LINGO2: variants seen among roughly 807,000 people sequenced by gnomAD.
The protein encoded by LINGO2 is leucine-rich repeat and immunoglobulin-like domain-containing nogo receptor-interacting protein 2.
In LINGO2, 14 loss-of-function variants were observed where a neutral mutation model predicts 30.6. The ratio of observed to expected loss-of-function variants is 0.46; its 90% CI spans 0.30 to 0.72. The LOEUF is 0.72. Ranked by LOEUF, LINGO2 falls within the 30% of genes least tolerant of loss-of-function variation. The pLI, the probability that LINGO2 is intolerant of heterozygous loss-of-function variation, is 0.07. For missense variants in LINGO2, 729 were observed against 751.7 expected, an observed-to-expected ratio of 0.97 and a Z score of 0.35; for synonymous variants, 317 against 288.5, an observed-to-expected ratio of 1.10 and a Z score of -1.00.
chr9:28,473,700 A>G (rs899216076), intron 2 of LINGO2, among the ~76,000 whole-genome samples: 1 of 152,098 alleles, frequency 6.6e-6, no homozygotes. Flanking sequence ...GTCATGGGGA[A>G]GAAACACAGG....
At chr9:28,023,624 T>C (rs1325550421) in intron 4 of LINGO2, among the ~76,000 whole-genome samples, 1 of 152,220 alleles carries the variant, frequency 6.6e-6, no homozygotes, top group Non-Finnish European at 1.5e-5. Flanking sequence ...AGCTAGAGGA[T>C]GCTGAAGTCA....
At chr9:28,883,561 T>C in the LINGO2 span, among the ~76,000 whole-genome samples, 1 of 147,810 alleles carries the variant, frequency 6.8e-6, no homozygotes, top group East Asian at 2.0e-4. Flanking sequence ...TCACAGCAAC[T>C]GACATTTCCC....
the LINGO2 span, among the ~76,000 whole-genome samples, chr9:29,001,432 T>C: frequency 6.6e-6 from 1 of 151,972 alleles, no homozygotes; most frequent in Admixed American, 6.6e-5. Flanking sequence ...AAAAGAAGTG[T>C]ACCACACTGC....
Position 28,045,928 on chromosome 9 carries a change from A to G in LINGO2, c.-86-33523T>C, listed in dbSNP as rs1371330271. 2.0e-5 allele frequency among the ~76,000 whole-genome samples: 3 copies of G among 152,296 alleles called. No individual in the cohort carries two copies. In the East Asian group the frequency reaches 5.8e-4, roughly 29 times the overall value. ...TTCAATTCAGTTTGATGATGATGAA[A>G]AGCAAAGAGTTAAACTATGATAACT... On this transcript the variant is annotated intron_variant, in intron 4 of 5. Coordinates refer to ENST00000379992, the Ensembl canonical transcript of LINGO2.
intron 2 of LINGO2, among the ~76,000 whole-genome samples, chr9:28,408,963 A>G (rs1822634254): frequency 6.6e-6 from 1 of 152,008 alleles, no homozygotes; most frequent in Non-Finnish European, 1.5e-5. Flanking sequence ...ACATTATTAG[A>G]AATAAATTTC....
At chr9:28,057,551 A>ACAC (rs1824984467) in intron 4 of LINGO2, among the ~76,000 whole-genome samples, 1 of 148,670 alleles carries the variant, frequency 6.7e-6, no homozygotes, top group Non-Finnish European at 1.5e-5. Flanking sequence ...ATATGTATAT[A>ACAC]AGTATATATA....
chr9:28,791,045 T>C, the LINGO2 span, among the ~76,000 whole-genome samples: 1 of 152,150 alleles, frequency 6.6e-6, no homozygotes, highest in Non-Finnish European at 1.5e-5. Context: ...AAAAAATGTA[T>C]GCCAACTTAT....
chr9:28,593,728 A>G (rs1393784753), intron 1 of LINGO2, among the ~76,000 whole-genome samples: 2 of 152,006 alleles, frequency 1.3e-5, no homozygotes, highest in Non-Finnish European at 2.9e-5. Context: ...TTTGAAACCA[A>G]TTCTCTCTGA....
At chr9:29,124,183 G>C in the LINGO2 span, among the ~76,000 whole-genome samples, 1 of 152,152 alleles carries the variant, frequency 6.6e-6, no homozygotes, top group African/African-American at 2.4e-5. Flanking sequence ...TTAAATAAAT[G>C]ATGCTGGGAT....
intron 1 of LINGO2, among the ~76,000 whole-genome samples, chr9:28,649,106 C>A (rs1170112453): frequency 6.6e-6 from 1 of 152,090 alleles, no homozygotes; most frequent in African/African-American, 2.4e-5. Context: ...ATGGCGCTCA[C>A]CTTTTTCCAC....
intron 1 of LINGO2, among the ~76,000 whole-genome samples, chr9:28,656,765 A>C (rs964197883): frequency 7.9e-5 from 12 of 152,270 alleles, no homozygotes; most frequent in East Asian, 3.9e-4. Flanking sequence ...CCTTCAGAAG[A>C]TAAGCCTAAT....
chr9:28,752,974 C>T, the LINGO2 span, among the ~76,000 whole-genome samples: 2 of 151,984 alleles, frequency 1.3e-5, no homozygotes, highest in East Asian at 1.9e-4. Flanking sequence ...AGGTACCCAG[C>T]GAATGGGACA....
chr9:29,114,131 A>T, the LINGO2 span, among the ~76,000 whole-genome samples: 2 of 87,192 alleles, frequency 2.3e-5, no homozygotes, highest in African/African-American at 9.4e-5. Flanking sequence ...TCCTAACCTT[A>T]AAAAAATCTG....
intron 4 of LINGO2, among the ~76,000 whole-genome samples, chr9:28,203,060 G>A (rs983233395): frequency 2.0e-5 from 3 of 152,018 alleles, no homozygotes; most frequent in African/African-American, 4.8e-5. Flanking sequence ...CAAAAAGCAG[G>A]AAATTATTCT....
the LINGO2 span, among the ~76,000 whole-genome samples, chr9:28,695,730 GT>G: frequency 0.17 from 24,723 of 147,692 alleles, 3,078 homozygotes; most frequent in African/African-American, 0.35. Context: ...AATATCTGGA[GT>G]ATAAAGAGCA....
chr9:28,139,382 A>C (rs1309930148), intron 4 of LINGO2, among the ~76,000 whole-genome samples: 5 of 152,198 alleles, frequency 3.3e-5, no homozygotes, highest in Admixed American at 3.3e-4. Context: ...CTTAACTCAA[A>C]TTGTGTGGGT....
At chr9:29,012,883 A>C in the LINGO2 span, among the ~76,000 whole-genome samples, 1 of 152,176 alleles carries the variant, frequency 6.6e-6, no homozygotes, top group Non-Finnish European at 1.5e-5. Context: ...AACCACCTGC[A>C]ATTTTAGGAT....
chr9:28,613,692 C>A (rs2135794972), intron 1 of LINGO2, among the ~76,000 whole-genome samples: 1 of 152,166 alleles, frequency 6.6e-6, no homozygotes, highest in South Asian at 2.1e-4. Flanking sequence ...GGGGGTAAGG[C>A]ATAAAGTAGT....
At chr9:28,069,817 T>C (rs118012544) in intron 4 of LINGO2, among the ~76,000 whole-genome samples, 8,190 of 152,286 alleles carry the variant, frequency 0.054, 312 homozygotes, top group Non-Finnish European at 0.082. Context: ...CTGGTCCCAG[T>C]GGGAATCTCA....
Sources: gnomAD v4.1 joint callset for allele counts (sites outside exome capture counted in the v4.1 genomes callset) on GRCh38, gnomAD v4.1.1 for gene constraint, MANE v1.5 for transcripts, NCBI Gene and HGNC (gene_info 2026-07-23, HGNC 2026-07-21) for gene names.